NDUFAF2: variants seen among roughly 807,000 people sequenced by gnomAD.
NDUFAF2 encodes the protein NADH dehydrogenase [ubiquinone] 1 alpha subcomplex assembly factor 2.
In NDUFAF2, 13 loss-of-function variants were observed where a neutral mutation model predicts 22.8. That is an observed-to-expected ratio of 0.57 (90% CI 0.37 to 0.91). The LOEUF is 0.91. Ranked by LOEUF, NDUFAF2 falls within the 40% of genes least tolerant of loss-of-function variation. The probability of loss-of-function intolerance (pLI) is 0.01; values close to 1 mark genes in which losing one functional copy is unlikely to be tolerated. For synonymous variants in NDUFAF2, 53 were observed against 64.2 expected (o/e 0.83, Z 0.84); for missense variants, 162 against 195.2 (o/e 0.83, Z 1.01).
chr5:60,985,371 G>A (rs1238605576), intron 1 of NDUFAF2, among the ~76,000 whole-genome samples: 1 of 151,972 alleles, frequency 6.6e-6, no homozygotes, highest in Non-Finnish European at 1.5e-5. Flanking sequence ...ATTTTTTGAA[G>A]GCTTTTTTGT....
chr5:61,134,018 C>T (rs558801084), intron 3 of NDUFAF2, among the ~76,000 whole-genome samples: 95 of 152,176 alleles, frequency 6.2e-4, no homozygotes, highest in African/African-American at 2.2e-3. Context: ...GTAGTAAATA[C>T]GTCATAGTAA....
chr5:61,052,637 A>T (rs1040929180), intron 1 of NDUFAF2, among the ~76,000 whole-genome samples: 1 of 152,196 alleles, frequency 6.6e-6, no homozygotes, highest in African/African-American at 2.4e-5. Flanking sequence ...TATCCTTAAT[A>T]CTAATGTCTG....
chr5:61,126,740 G>T (rs1178461454), intron 3 of NDUFAF2, among the ~76,000 whole-genome samples: 1 of 151,838 alleles, frequency 6.6e-6, no homozygotes, highest in Non-Finnish European at 1.5e-5. Context: ...TACATTCCAT[G>T]GATTCACCTA....
At chr5:60,995,125 C>G (rs1751212335) in intron 1 of NDUFAF2, among the ~76,000 whole-genome samples, 1 of 152,140 alleles carries the variant, frequency 6.6e-6, no homozygotes, top group African/African-American at 2.4e-5. Context: ...TTCCTCAATA[C>G]AGCAATTTTG....
chr5:61,001,150 T>C (rs1751290091), intron 1 of NDUFAF2, among the ~76,000 whole-genome samples: 1 of 152,206 alleles, frequency 6.6e-6, no homozygotes, highest in South Asian at 2.1e-4. Context: ...CAACTTGAGT[T>C]CCCCTTTCCC....
intron 1 of NDUFAF2, among the ~76,000 whole-genome samples, chr5:60,962,125 A>G (rs1750694801): frequency 6.6e-6 from 1 of 152,008 alleles, no homozygotes; most frequent in Admixed American, 6.6e-5. Context: ...GATTACCACA[A>G]TCAAGCTTAG....
At chr5:60,968,612 G>T (rs290511) in intron 1 of NDUFAF2, among the ~76,000 whole-genome samples, 132,641 of 151,904 alleles carry the variant, frequency 0.87, 58,198 homozygotes, top group East Asian at 0.95. Context: ...ATGTATATAT[G>T]TATAGGTTAC....
chr5:61,099,679 G>A (rs1160399519), intron 3 of NDUFAF2, among the ~76,000 whole-genome samples: 2 of 151,732 alleles, frequency 1.3e-5, no homozygotes, highest in Non-Finnish European at 2.9e-5. Flanking sequence ...TTAAAAATAT[G>A]TAAAGACCTC....
chr5:60,958,696 A>G (rs1750648820), intron 1 of NDUFAF2, among the ~76,000 whole-genome samples: 1 of 152,186 alleles, frequency 6.6e-6, no homozygotes, highest in Non-Finnish European at 1.5e-5. Context: ...AGACAAAAAC[A>G]AAACAAAATA....
Position 61,137,420 on chromosome 5 carries a change from A to G in NDUFAF2, c.259-15284A>G, listed in dbSNP as rs77259356. 8.7e-3 allele frequency among the ~76,000 whole-genome samples: 1,319 copies of G among 152,360 alleles called. 22 individuals are homozygous for G. Among genetic ancestry groups the G allele is most frequent in the African/African-American group, 0.03 (1,264 of 41,584 alleles). Reference sequence around the variant, plus strand: ...CTAGTCAAGCCATATAAACAAATACATAAATAATAAGGATTATGAGATATG... The same window carrying G: ...CTAGTCAAGCCATATAAACAAATACGTAAATAATAAGGATTATGAGATATG... On this transcript the variant is annotated intron_variant, in intron 3 of 3. Coordinates refer to ENST00000296597, the MANE Select transcript of NDUFAF2 (RefSeq NM_174889.5).
intron 3 of NDUFAF2, among the ~76,000 whole-genome samples, chr5:61,142,819 G>A (rs1220923108): frequency 6.6e-6 from 1 of 152,096 alleles, no homozygotes; most frequent in Non-Finnish European, 1.5e-5. Context: ...TTTGATTACT[G>A]ATCTAGCAGG....
rs185541842 is a variant in NDUFAF2, at chr5:60,951,429, T to G, written c.127+6047T>G. ...AGGACATCTTGGTTGCTTCCAAGTT[T>G]TGGCGATTATGAATAAAGCTGCTAT... On this transcript the variant is annotated intron_variant, in intron 1 of 3. Coordinates refer to ENST00000296597, the MANE Select transcript of NDUFAF2 (RefSeq NM_174889.5). Among the ~76,000 whole-genome samples the G allele has an allele frequency of 3.5e-3, 537 of 152,336 alleles. 5 individuals are homozygous for G. Among genetic ancestry groups the G allele is most frequent in the Non-Finnish European group, 4.1e-3 (277 of 68,032 alleles).
chr5:61,012,542 TTTAA>T (rs1338783935), intron 1 of NDUFAF2, among the ~76,000 whole-genome samples: 1 of 152,094 alleles, frequency 6.6e-6, no homozygotes, highest in African/African-American at 2.4e-5. Flanking sequence ...TTTATGATTT[TTTAA>T]TTAGTGTACA....
At chr5:61,146,931 TG>T (rs1441866370) in intron 3 of NDUFAF2, among the ~76,000 whole-genome samples, 2 of 152,322 alleles carry the variant, frequency 1.3e-5, no homozygotes, top group East Asian at 3.9e-4. Flanking sequence ...TTTCATAGGT[TG>T]TTTTTCACCT....
chr5:60,945,774 A>C (rs567905641), intron 1 of NDUFAF2, among the ~76,000 whole-genome samples: 1 of 152,338 alleles, frequency 6.6e-6, no homozygotes, highest in East Asian at 1.9e-4. Flanking sequence ...AGGGGCTAGA[A>C]GGGCCAGGGG....
intron 1 of NDUFAF2, among the ~76,000 whole-genome samples, chr5:61,000,584 A>G (rs886838708): frequency 2.0e-5 from 3 of 152,132 alleles, no homozygotes; most frequent in African/African-American, 7.2e-5. Flanking sequence ...TTAGAGTCAG[A>G]CTTAACCTGA....
chr5:61,103,820 T>C (rs1168316071), intron 3 of NDUFAF2, among the ~76,000 whole-genome samples: 1 of 152,102 alleles, frequency 6.6e-6, no homozygotes, highest in Non-Finnish European at 1.5e-5. Flanking sequence ...ATAGTTCAGC[T>C]TAGGATTTTT....
chr5:60,961,789 C>G (rs1208715322), intron 1 of NDUFAF2, among the ~76,000 whole-genome samples: 1 of 149,184 alleles, frequency 6.7e-6, no homozygotes, highest in African/African-American at 2.5e-5. Flanking sequence ...AAAAAATTTA[C>G]TATGTAATTG....
intron 3 of NDUFAF2, among the ~76,000 whole-genome samples, chr5:61,152,303 A>G (rs963249224): frequency 2.0e-5 from 3 of 151,554 alleles, no homozygotes; most frequent in Admixed American, 2.0e-4. Flanking sequence ...AAAAAAAAAA[A>G]GGGTAGTCAG....
Sources: gnomAD v4.1 joint callset for allele counts (sites outside exome capture counted in the v4.1 genomes callset) on GRCh38, gnomAD v4.1.1 for gene constraint, MANE v1.5 for transcripts, NCBI Gene and HGNC (gene_info 2026-07-23, HGNC 2026-07-21) for gene names.